CAND1: variants seen among roughly 807,000 people sequenced by gnomAD.
The protein encoded by CAND1 is cullin-associated NEDD8-dissociated protein 1.
In CAND1, 7 loss-of-function variants were observed where a neutral mutation model predicts 108.5. The ratio of observed to expected loss-of-function variants is 0.06; its 90% CI spans 0.04 to 0.12. The LOEUF is 0.12. Among genes scored for constraint, CAND1 ranks in the 10% least tolerant of loss-of-function variants. The probability of loss-of-function intolerance (pLI) is 1.00; values close to 1 mark genes in which losing one functional copy is unlikely to be tolerated. For synonymous variants in CAND1, 534 were observed against 512.0 expected, an observed-to-expected ratio of 1.04 and a Z score of -0.58; for missense variants, 941 against 1,448.7, an observed-to-expected ratio of 0.65 and a Z score of 5.69.
chr12:67,278,310 A>G (rs1165704455), intron 1 of CAND1, among the ~76,000 whole-genome samples: 1 of 151,902 alleles, frequency 6.6e-6, no homozygotes, highest in Admixed American at 6.5e-5. Context: ...GGCATGTACT[A>G]CCATGCCTGG....
In CAND1 at chr12:67,312,789, G is replaced by A; in HGVS notation, c.3652G>A (p.Asp1218Asn). ...LAAIFESIQK[D>N]SSSTNLESMD... ...GGCTATCTTTGAAAGTATCCAGAAA[G>A]ATTCATCATCTACTAACTTGGAATC... The change falls in exon 15 of 15, where the codon GAT (aspartate) becomes AAT (asparagine). Residue 1218 changes from aspartate (D) to asparagine (N), a missense_variant. Asp to Asn is a conservative substitution (Grantham distance 23). Transcript: ENST00000545606. 6.2e-7 allele frequency: 1 copy of A among 1,613,346 alleles called. No individual in the cohort carries two copies. The highest frequency in any genetic ancestry group is 8.5e-7 in the Non-Finnish European group (1 of 1,179,664).
At chr12:67,307,976 C>G (rs1015320025) in intron 11 of CAND1, among the ~76,000 whole-genome samples, 1 of 151,782 alleles carries the variant, frequency 6.6e-6, no homozygotes, top group Admixed American at 6.6e-5. Flanking sequence ...GAGCTAATTC[C>G]CAGAAGAACT....
intron 7 of CAND1, among the ~76,000 whole-genome samples, chr12:67,301,253 G>A (rs2069175813): frequency 6.6e-6 from 1 of 152,038 alleles, no homozygotes; most frequent in Admixed American, 6.6e-5. Flanking sequence ...AAGCTTTTGA[G>A]TTGGAAAATT....
In CAND1 at chr12:67,314,885, C is replaced by G. The variant is rs1408046046; in HGVS notation, c.*2055C>G. On this transcript the variant is annotated 3_prime_UTR_variant, in exon 15 of 15. Transcript: ENST00000545606. ...ATGCATACATTAACAAAATTAGTAA[C>G]AGCAGTGCTTAGAATTTCAATGCTG... 6.6e-6 allele frequency: 1 copy of G among 152,140 alleles called. No individual in the cohort carries two copies. 9.4% of individuals were successfully genotyped at this position (152,140 alleles called of 1,614,324 possible).
At position 67,317,883 on chromosome 12, in the gene CAND1, A is replaced by G. The variant is rs2045024390; in HGVS notation, c.*5053A>G. The G allele has an allele frequency of 1.3e-5, 2 of 152,304 alleles. No homozygotes were observed. The highest frequency in any genetic ancestry group is 4.8e-5 in the African/African-American group (2 of 41,468). The allele number at this position is 152,304 out of a possible 1,614,324, so 9.4% of individuals were successfully genotyped here. The stretch of plus-strand genomic sequence containing the variant: ...CTCATAAAGGTATCTCAAACACAGC[A>G]TATCTAAAGCTGAAGTCATCATCTT... On this transcript the variant is annotated 3_prime_UTR_variant, in exon 15 of 15. Coordinates refer to ENST00000545606, the MANE Select transcript of CAND1 (RefSeq NM_018448.5).
At chr12:67,295,313 A>C (rs1366047935) in intron 4 of CAND1, among the ~76,000 whole-genome samples, 157 bp downstream of exon 4, 1 of 152,238 alleles carries the variant, frequency 6.6e-6, no homozygotes, top group East Asian at 1.9e-4. Flanking sequence ...GTGAGGGGGA[A>C]ATAAGCTAAT....
rs1417448893 is a variant in CAND1, at chr12:67,306,601, G to C, written c.2929+4G>C. The C allele has an allele frequency of 1.3e-6, 2 of 1,567,116 alleles. No homozygotes were observed. The highest frequency in any genetic ancestry group is 2.4e-5 in the South Asian group (2 of 83,418). On this transcript the variant is annotated splice_donor_region_variant and intron_variant, in intron 10 of 14. Transcript: ENST00000545606. ...CTTAAGGGGTACTTGATATCAGGTA[G>C]GTATCTAGATTTTCTTACTTAAAAA...
intron 1 of CAND1, among the ~76,000 whole-genome samples, chr12:67,271,304 C>T (rs1592599201): frequency 6.6e-6 from 1 of 152,100 alleles, no homozygotes; most frequent in African/African-American, 2.4e-5. Context: ...ATTTTTGGGG[C>T]TTTGCTTGCT....
chr12:67,297,501 A>G lies in CAND1; in HGVS notation c.586A>G (p.Ile196Val). ...TAGACTTGCAGTGAGGAAAAGAACC[A>G]TTATCGCTCTTGGCCATCTGGTTAT... ...SPRLAVRKRTIIALGHLVMSC... is the reference protein window; with the variant it reads ...SPRLAVRKRTVIALGHLVMSC... The change falls in exon 5 of 15, where the codon ATT (isoleucine) becomes GTT (valine). Residue 196 changes from isoleucine to valine, a missense_variant. By Grantham distance (29) the Ile-to-Val change is conservative. Coordinates refer to ENST00000545606, the MANE Select transcript of CAND1 (RefSeq NM_018448.5). 6.2e-7 allele frequency: 1 copy of G among 1,614,144 alleles called. No individual in the cohort carries two copies. The highest frequency in any genetic ancestry group is 8.5e-7 in the Non-Finnish European group (1 of 1,180,004).
intron 1 of CAND1, among the ~76,000 whole-genome samples, chr12:67,277,022 G>T (rs1277721156): frequency 6.6e-6 from 1 of 152,164 alleles, no homozygotes; most frequent in African/African-American, 2.4e-5. Context: ...TGTGACAATG[G>T]CTGCAGGGTA....
chr12:67,270,023 C>A, intron 1 of CAND1: 1 of 491,600 alleles, frequency 2.0e-6, no homozygotes, highest in Non-Finnish European at 3.5e-6. Context: ...CTCTAGGCCC[C>A]GTTTGCTTGT....
intron 2 of CAND1, among the ~76,000 whole-genome samples, chr12:67,284,343 GTAT>G (rs1292455201): frequency 6.6e-6 from 1 of 151,644 alleles, no homozygotes; most frequent in African/African-American, 2.4e-5. Context: ...ATATAGCAGT[GTAT>G]TATTAGTAAC....
intron 1 of CAND1, among the ~76,000 whole-genome samples, chr12:67,277,590 G>A (rs1053210397): frequency 6.6e-6 from 1 of 152,134 alleles, no homozygotes; most frequent in Admixed American, 6.5e-5. Flanking sequence ...GAAGATGCTT[G>A]TTTACAACAT....
intron 13 of CAND1, chr12:67,311,470 A>G (rs2044948955): frequency 1.4e-4 from 1 of 7,384 alleles, no homozygotes; most frequent in East Asian, 3.8e-3. Context: ...ATGTTTCTAA[A>G]GCTCTCTGGA....
rs2044834869 is a variant in CAND1, at chr12:67,302,443, C to T, written c.1121C>T (p.Thr374Ile). ...GAAATGCTTCCAGAATTCTACAAGA[C>T]CGTCTCTCCTGCACTAATATCCAGA... ...RHEMLPEFYK[T>I]VSPALISRFK... Residue 374 changes from threonine to isoleucine, a missense_variant, in exon 8 of 15, where the codon ACC becomes ATC. Coordinates refer to ENST00000545606, the MANE Select transcript of CAND1 (RefSeq NM_018448.5). 6.2e-7 allele frequency: 1 copy of T among 1,613,958 alleles called. No individual in the cohort carries two copies. The highest frequency in any genetic ancestry group is 8.5e-7 in the Non-Finnish European group (1 of 1,179,982).
intron 1 of CAND1, among the ~76,000 whole-genome samples, chr12:67,274,450 G>A (rs185408588): frequency 7.2e-5 from 11 of 152,336 alleles, no homozygotes; most frequent in Admixed American, 3.9e-4. Context: ...AGAGGGAATA[G>A]ATAACCTGAC....
rs967895888 is a variant in CAND1 at position 67,317,985 on chromosome 12, C to G, written c.*5155C>G. The G allele has an allele frequency of 9.2e-5, 14 of 152,254 alleles. No homozygotes were observed. The highest frequency in any genetic ancestry group is 3.4e-4 in the African/African-American group (14 of 41,456). The allele number at this position is 152,254 out of a possible 1,614,324, so 9.4% of individuals were successfully genotyped here. On this transcript the variant is annotated 3_prime_UTR_variant, in exon 15 of 15. Transcript: ENST00000545606. Reference sequence around the variant, plus strand: ...TCAAACTGGAAATCTAAAAGCCTCACTTAGCAAGAGTTTGGAGGCAGAATA... The same window carrying G: ...TCAAACTGGAAATCTAAAAGCCTCAGTTAGCAAGAGTTTGGAGGCAGAATA...
At chr12:67,290,774 G>C (rs1261463776) in intron 2 of CAND1, among the ~76,000 whole-genome samples, 1 of 151,946 alleles carries the variant, frequency 6.6e-6, no homozygotes, top group Non-Finnish European at 1.5e-5. Context: ...TTAAACCCTG[G>C]GCCATGGACC....
intron 7 of CAND1, 121 bp downstream of exon 7, chr12:67,299,216 T>C: frequency 1.0e-6 from 1 of 965,942 alleles, no homozygotes; most frequent in Non-Finnish European, 1.5e-6. Flanking sequence ...AGGGAAATGA[T>C]CTCAATATTT....
Sources: allele counts gnomAD v4.1 joint callset (sites outside exome capture counted in the v4.1 genomes callset), GRCh38; gene constraint gnomAD v4.1.1; transcripts MANE v1.5; gene names NCBI Gene and HGNC (gene_info 2026-07-23, HGNC 2026-07-21).